Variants in SSPN observed in about 807,000 individuals in gnomAD.
SSPN encodes the protein sarcospan.
A neutral mutation model predicts 19.1 loss-of-function variants in SSPN; 15 were observed. That is an observed-to-expected ratio of 0.78 (90% CI 0.52 to 1.21). The LOEUF (loss-of-function observed/expected upper bound fraction) is 1.21. SSPN is among the 50% of genes most tolerant of loss of function. The pLI is 0.00. For missense variants in SSPN, 291 were observed against 314.0 expected (o/e 0.93, Z 0.55); for synonymous variants, 147 against 140.3 (o/e 1.05, Z -0.34).
At chr12:26,219,354 G>A (rs781758491) in intron 1 of SSPN, among the ~76,000 whole-genome samples, 2 of 152,042 alleles carry the variant, frequency 1.3e-5, no homozygotes, top group Non-Finnish European at 2.9e-5. Flanking sequence ...GTAAATCTCC[G>A]AGACACTGGT....
chr12:26,227,045 A>G (rs970617450), intron 2 of SSPN, among the ~76,000 whole-genome samples: 5 of 152,058 alleles, frequency 3.3e-5, no homozygotes, highest in Non-Finnish European at 7.4e-5. Flanking sequence ...CACCCGCAAG[A>G]CAGATGCCTC....
At chr12:26,122,520 CCT>C in intron 1 of SSPN, 1 of 1,286,140 alleles carries the variant, frequency 7.8e-7, no homozygotes, top group Non-Finnish European at 9.9e-7. Context: ...CGCGCCTCCG[CCT>C]CCGCCGAACG....
At position 26,231,873 on chromosome 12, in the gene SSPN, A is replaced by G. The variant is rs546851789; in HGVS notation, c.*797A>G. 2 of 879,088 alleles carry G rather than the reference A, an allele frequency of 2.3e-6. No homozygotes were observed. The highest frequency in any genetic ancestry group is 1.0e-4 in the South Asian group (2 of 19,064). 54.5% of individuals were successfully genotyped at this position (879,088 alleles called of 1,614,324 possible). A position where few individuals can be genotyped will look rare whatever the true frequency, so the allele number is the denominator to read the frequency against. ...TAAAACTAATTTCTAGCTAATTGTT[A>G]ATTATAATTATGCTCAGAAGTCTAT... On this transcript the variant is annotated 3_prime_UTR_variant, in exon 3 of 3. Coordinates refer to ENST00000242729, the MANE Select transcript of SSPN (RefSeq NM_005086.5).
chr12:26,168,440 G>A (rs182642228), intron 1 of SSPN, among the ~76,000 whole-genome samples: 4 of 152,272 alleles, frequency 2.6e-5, no homozygotes, highest in Non-Finnish European at 2.9e-5. Flanking sequence ...GGTTGGGGAT[G>A]GGGGATGGGG....
intron 1 of SSPN, among the ~76,000 whole-genome samples, chr12:26,185,177 G>A (rs571114874): frequency 1.8e-4 from 27 of 152,304 alleles, no homozygotes; most frequent in East Asian, 5.8e-4. Context: ...CAATATCTCA[G>A]TATGGGCTGC....
intron 1 of SSPN, chr12:26,123,823 C>T (rs1944336862): frequency 8.8e-6 from 8 of 909,288 alleles, no homozygotes; most frequent in Non-Finnish European, 1.5e-5. Flanking sequence ...TTCAGCACAG[C>T]AATTTAAGCA....
intron 2 of SSPN, among the ~76,000 whole-genome samples, chr12:26,225,571 A>G (rs1307266595): frequency 6.6e-6 from 1 of 152,192 alleles, no homozygotes; most frequent in East Asian, 1.9e-4. Flanking sequence ...TAAACAGTTA[A>G]TAGATACTAC....
At chr12:26,210,498 TTCTCTCTCTCTGTG>T in intron 1 of SSPN, among the ~76,000 whole-genome samples, 1 of 152,014 alleles carries the variant, frequency 6.6e-6, no homozygotes, top group Non-Finnish European at 1.5e-5. Flanking sequence ...CTCCTTTCTA[TTCTCTCTCTCTGTG>T]TCTCTCTCTC....
intron 1 of SSPN, among the ~76,000 whole-genome samples, chr12:26,175,281 A>G (rs1369517447): frequency 6.6e-5 from 10 of 152,102 alleles, no homozygotes; most frequent in Non-Finnish European, 8.8e-5. Flanking sequence ...TTTAATTTGC[A>G]TTTTCCTAAT....
chr12:26,161,107 CAA>C (rs35876807), intron 1 of SSPN, among the ~76,000 whole-genome samples: 11,036 of 97,946 alleles, frequency 0.11, 707 homozygotes, highest in African/African-American at 0.26. Context: ...GACTCTGTCT[CAA>C]AAAAAAAAAA....
At chr12:26,189,221 T>C (rs1944772966) in intron 1 of SSPN, among the ~76,000 whole-genome samples, 1 of 152,202 alleles carries the variant, frequency 6.6e-6, no homozygotes, top group Non-Finnish European at 1.5e-5. Flanking sequence ...TTGCCTATTT[T>C]AAAGGAATTG....
chr12:26,184,581 T>C (rs1476602970), intron 1 of SSPN, among the ~76,000 whole-genome samples: 1 of 152,186 alleles, frequency 6.6e-6, no homozygotes, highest in Non-Finnish European at 1.5e-5. Context: ...TTTTGGATGT[T>C]GGAGGAAAGT....
intron 1 of SSPN, among the ~76,000 whole-genome samples, chr12:26,163,555 A>G (rs898156247): frequency 6.6e-6 from 1 of 152,192 alleles, no homozygotes; most frequent in African/African-American, 2.4e-5. Context: ...CACATGGCAG[A>G]AGGCAAAAAG....
At chr12:26,162,758 T>C (rs1385644742) in intron 1 of SSPN, among the ~76,000 whole-genome samples, 1 of 152,212 alleles carries the variant, frequency 6.6e-6, no homozygotes, top group Non-Finnish European at 1.5e-5. Context: ...AAGGAAACCA[T>C]AATATAACTT....
chr12:26,188,463 G>A (rs1408522644), intron 1 of SSPN, among the ~76,000 whole-genome samples: 1 of 152,140 alleles, frequency 6.6e-6, no homozygotes, highest in African/African-American at 2.4e-5. Flanking sequence ...CTAAAGAAGA[G>A]GATTACTGGT....
At chr12:26,123,242 C>A (rs1591839120) in intron 1 of SSPN, 2 of 1,483,322 alleles carry the variant, frequency 1.3e-6, no homozygotes, top group East Asian at 4.7e-5. Context: ...GTTAAAACAT[C>A]TGCTTATCAC....
In SSPN at chr12:26,215,307, A is replaced by G. The variant is rs12318254; in HGVS notation, c.280-8986A>G. On this transcript the variant is annotated intron_variant, in intron 1 of 2. Coordinates refer to ENST00000242729, the MANE Select transcript of SSPN (RefSeq NM_005086.5). ...ATTTCTCCTTGGCACTCTCCTCTGT[A>G]TCTTTATACAGATTCTGTAGGCTGA... Among the ~76,000 whole-genome samples the G allele has an allele frequency of 3.6e-3, 547 of 152,280 alleles. 6 individuals are homozygous for G. Among genetic ancestry groups the G allele is most frequent in the African/African-American group, 0.013 (525 of 41,560 alleles).
chr12:26,198,991 C>T lies in SSPN; in HGVS notation c.279+3040C>T, dbSNP rs372185280. Among the ~76,000 whole-genome samples the T allele has an allele frequency of 2.2e-4, 33 of 152,326 alleles. No individual in the cohort carries two copies. The East Asian group carries it at 6.2e-3, about 28-fold the overall frequency. On this transcript the variant is annotated intron_variant, in intron 1 of 2. Transcript: ENST00000242729. ...GGCTGAAGCCAAGCTGAGTGAGGCACCCACGCTGTCTACAACTTTCCATGC... is the reference window on the plus strand; with the variant it reads ...GGCTGAAGCCAAGCTGAGTGAGGCATCCACGCTGTCTACAACTTTCCATGC...
At chr12:26,134,086 G>T (rs1040665647) in intron 1 of SSPN, among the ~76,000 whole-genome samples, 1 of 152,118 alleles carries the variant, frequency 6.6e-6, no homozygotes, top group Non-Finnish European at 1.5e-5. Flanking sequence ...CTCTTCAGTG[G>T]CCTGAATATG....
Sources: gnomAD v4.1 joint callset for allele counts (sites outside exome capture counted in the v4.1 genomes callset) on GRCh38, gnomAD v4.1.1 for gene constraint, MANE v1.5 for transcripts, NCBI Gene and HGNC (gene_info 2026-07-23, HGNC 2026-07-21) for gene names.